The following PLCB2 variants were observed in gnomAD, a reference collection of about 807,000 sequenced individuals.
The protein encoded by PLCB2 is 1-phosphatidylinositol 4,5-bisphosphate phosphodiesterase beta-2.
PLCB2 carries 115 observed loss-of-function variants against 141.7 expected under a neutral mutation model. That is an observed-to-expected ratio of 0.81 (90% CI 0.70 to 0.95). The LOEUF (loss-of-function observed/expected upper bound fraction) is 0.95. Ranked by LOEUF, PLCB2 falls within the 40% of genes least tolerant of loss-of-function variation. The pLI, the probability that PLCB2 is intolerant of heterozygous loss-of-function variation, is 0.00. For synonymous variants in PLCB2, 603 were observed against 595.6 expected (o/e 1.01, Z -0.18); for missense variants, 1,403 against 1,541.1 (o/e 0.91, Z 1.50).
rs998360205 is a variant in PLCB2 at position 40,291,075 on chromosome 15, C to A, written c.2979G>T (p.Arg993=). Residue 993 remains arginine, a synonymous_variant, in exon 27 of 32, where the codon CGG becomes CGT. Transcript: ENST00000260402. ...LKDRLELELL[R]QGEEQYECVL... is the part of the protein sequence containing the mutation. ...CGCACTCGTACTGCTCCTCGCCCTGCCGCAGCAGCTCCAGCTCCAGCCTGT... is the reference window on the plus strand; with the variant it reads ...CGCACTCGTACTGCTCCTCGCCCTGACGCAGCAGCTCCAGCTCCAGCCTGT... 6.3e-7 allele frequency: 1 copy of A among 1,590,846 alleles called. No individual in the cohort carries two copies. The highest frequency in any genetic ancestry group is 8.5e-7 in the Non-Finnish European group (1 of 1,176,308).
intron 7 of PLCB2, chr15:40,300,587 T>C (rs1182213051): frequency 1.3e-5 from 2 of 152,120 alleles, no homozygotes; most frequent in Non-Finnish European, 2.9e-5. Context: ...TAAAAAGGAA[T>C]GAAGTACTCA....
rs567946906 is a variant in PLCB2, at chr15:40,291,420, G to C, written c.2715C>G (p.His905Gln). The change falls in exon 26 of 32, where the codon CAC (histidine) becomes CAG (glutamine). Residue 905 changes from histidine (H) to glutamine (Q), a missense_variant. By Grantham distance (24) the His-to-Gln change is conservative (BLOSUM62 0). This residue lies in a region of PLCB2 where 290 missense variants were observed against 245.9 expected (regional missense o/e 1.18). Coordinates refer to ENST00000260402, the MANE Select transcript of PLCB2 (RefSeq NM_004573.3). ...GCTCCAACTCTCGCAGCTCCTTCTC[G>C]TGCCGCCGCTGCAGCTTCACCACGC... ...LKGVVKLQRRHEKELRELERR... is the reference protein window; with the variant it reads ...LKGVVKLQRRQEKELRELERR... The C allele has an allele frequency of 1.3e-6, 2 of 1,538,642 alleles. No individual in the cohort carries two copies. The highest frequency in any genetic ancestry group is 1.7e-4 in the Middle Eastern group (1 of 5,916).
At position 40,293,582 on chromosome 15, in the gene PLCB2, T is replaced by G; in HGVS notation, c.2204A>C (p.Glu735Ala). 6.2e-7 allele frequency: 1 copy of G among 1,613,898 alleles called. No individual in the cohort carries two copies. Among genetic ancestry groups the G allele is most frequent in the East Asian group, 2.2e-5 (1 of 44,868 alleles). ...STNSINPVWK[E>A]EPFVFEKILM... ...CACCTTCTCAAAGACAAAGGGCTCC[T>G]CCTTCCAGACAGGATTGATGGAGTT... is the stretch of plus-strand genomic sequence containing the variant. The change falls in exon 20 of 32, where the codon GAG (glutamate) becomes GCG (alanine). Residue 735 changes from glutamate (E) to alanine (A), a missense_variant. Glu to Ala is a moderately radical substitution (Grantham distance 107). Transcript: ENST00000260402.
chr15:40,296,401 A>G lies in PLCB2; in HGVS notation c.1600-9T>C, dbSNP rs2141100381. 6.2e-7 allele frequency: 1 copy of G among 1,613,584 alleles called. No individual in the cohort carries two copies. On this transcript the variant is annotated splice_polypyrimidine_tract_variant and intron_variant, in intron 15 of 31. Coordinates refer to ENST00000260402, the MANE Select transcript of PLCB2 (RefSeq NM_004573.3). ...TCCAGGCCCGCTGTGCCCTAAGGAG[A>G]AGAGGGGAGGGCAAAGAAGAGGAGG...
rs572727950 is a variant in PLCB2 at position 40,296,758 on chromosome 15, C to G, written c.1474G>C (p.Gly492Arg). 1.2e-6 allele frequency: 2 copies of G among 1,613,454 alleles called. No homozygotes were observed. Residue 492 changes from glycine (G) to arginine (R), a missense_variant, in exon 14 of 32, where the codon GGT becomes CGT. Physicochemically the swap from Gly to Arg is moderately radical, Grantham distance 125. Coordinates refer to ENST00000260402, the MANE Select transcript of PLCB2 (RefSeq NM_004573.3). ...CTCCCCGACTCACCTGTGCCCTCAC[C>G]TGCAGGGGCACTGGGTGGGCTGCTG... is the stretch of plus-strand genomic sequence containing the variant. Reference protein sequence around the residue: ...EGSSPPSAPAGEGTVWAGEEG... With the variant: ...EGSSPPSAPAREGTVWAGEEG...
chr15:40,284,497 T>G, downstream of PLCB2: 1 of 455,956 alleles, frequency 2.2e-6, no homozygotes, highest in Admixed American at 2.3e-5. Context: ...CTCGGGCCTT[T>G]TAAAGATAGG....
chr15:40,297,000 C>A, intron 13 of PLCB2, 92 bp from the exon 14 acceptor site: 1 of 1,293,548 alleles, frequency 7.7e-7, no homozygotes, highest in Non-Finnish European at 1.1e-6. Flanking sequence ...CGGCCTCCCC[C>A]ACTCCTCTTG....
At position 40,302,349 on chromosome 15, in the gene PLCB2, C is replaced by A. The variant is rs773325801; in HGVS notation, c.373G>T (p.Ala125Ser). The A allele has an allele frequency of 1.2e-6, 2 of 1,613,908 alleles. No homozygotes were observed. The highest frequency in any genetic ancestry group is 3.3e-5 in the Admixed American group (2 of 60,010). The change falls in exon 5 of 32, where the codon GCC (alanine) becomes TCC (serine). Residue 125 changes from alanine (A) to serine (S), a missense_variant and splice_region_variant. Around this residue, in one of 4 missense-constraint regions of PLCB2, gnomAD observed 975 missense variants for 1,141.1 expected, o/e 0.85. Transcript: ENST00000260402. The part of the protein sequence containing the change: ...FVSYKENVGK[A>S]WAEDVLALVK... ...AGGGCCAGTACGTCCTCAGCCCAGG[C>A]CTGCAGGACCACAGAGAGCAGCGGT...
intron 7 of PLCB2, among the ~76,000 whole-genome samples, chr15:40,299,689 C>A (rs1177285927): frequency 6.6e-6 from 1 of 151,954 alleles, no homozygotes; most frequent in African/African-American, 2.4e-5. Flanking sequence ...TTTGGAGACA[C>A]CAAAAGCACC....
Position 40,297,066 on chromosome 15 carries a change from A to G in PLCB2, c.1324-158T>C, listed in dbSNP as rs2040261748. ...ATTCTCACTGAGATAAATCCAGCTT[A>G]TCCCTTGGAGTAAATGCGGCTCATC... On this transcript the variant is annotated intron_variant, in intron 13 of 31. Transcript: ENST00000260402. This position sits in a 1 kb window ranked among gnomAD's most constrained non-coding sequence, Gnocchi z 4.2. Among the ~76,000 whole-genome samples the G allele has an allele frequency of 6.6e-6, 1 of 152,122 alleles. No homozygotes were observed. Among genetic ancestry groups the G allele is most frequent in the Non-Finnish European group, 1.5e-5 (1 of 68,026 alleles).
chr15:40,289,309 G>A lies in PLCB2; in HGVS notation c.3317C>T (p.Ala1106Val), dbSNP rs543995403. The A allele has an allele frequency of 9.3e-6, 15 of 1,613,948 alleles. No homozygotes were observed. The highest frequency in any genetic ancestry group is 6.7e-5 in the East Asian group (3 of 44,876). ...CTCCCGTATCTGTTCCAGGCAAGCC[G>A]CCTGCTTCTCCTCCAGCTTCTCCTG... ...RHQEKLEEKQ[A>V]ACLEQIREME... Residue 1106 changes from alanine to valine, a missense_variant, in exon 31 of 32, where the codon GCG (alanine) becomes GTG (valine). Around this residue, in one of 4 missense-constraint regions of PLCB2, gnomAD observed 132 missense variants for 132.4 expected, o/e 1.00. Coordinates refer to ENST00000260402, the MANE Select transcript of PLCB2 (RefSeq NM_004573.3).
intron 7 of PLCB2, chr15:40,301,377 C>T: frequency 1.7e-6 from 1 of 600,120 alleles, no homozygotes; most frequent in South Asian, 2.0e-5. Flanking sequence ...CCAGAGGGCT[C>T]CTTTTTGTAA....
intron 1 of PLCB2, among the ~76,000 whole-genome samples, chr15:40,305,614 T>C (rs1479448406): frequency 6.6e-6 from 1 of 152,158 alleles, no homozygotes; most frequent in Admixed American, 6.5e-5. Context: ...GCTGAAGACA[T>C]AGTTGTGAGT....
chr15:40,293,395 C>T (rs1370574804), intron 20 of PLCB2, among the ~76,000 whole-genome samples, 165 bp downstream of exon 20: 1 of 152,210 alleles, frequency 6.6e-6, no homozygotes, highest in African/African-American at 2.4e-5. Flanking sequence ...ACCAAGTAAA[C>T]TTCTGTAAAC....
At position 40,302,544 on chromosome 15, in the gene PLCB2, G is replaced by A; in HGVS notation, c.297C>T (p.Leu99=). The change falls in exon 4 of 32, where the codon CTC becomes CTT. Residue 99 remains leucine (L), a synonymous_variant. Coordinates refer to ENST00000260402, the MANE Select transcript of PLCB2 (RefSeq NM_004573.3). ...CCATGTCCGGGCCGGACACCACCGT[G>A]AGTGTCTTCAGCAGGAAACTGTTAT... ...FPDNSFLLKT[L]TVVSGPDMVD... The A allele has an allele frequency of 6.2e-7, 1 of 1,614,188 alleles. No individual in the cohort carries two copies. Among genetic ancestry groups the A allele is most frequent in the Non-Finnish European group, 8.5e-7 (1 of 1,180,004 alleles).
chr15:40,293,434 G>A, intron 20 of PLCB2, 126 bp downstream of exon 20: 1 of 929,656 alleles, frequency 1.1e-6, no homozygotes, highest in Non-Finnish European at 1.7e-6. Flanking sequence ...AAACAGGAGG[G>A]CCCAGGGTGA....
At chr15:40,294,181 T>C (rs1225312516) in intron 19 of PLCB2, 85 bp downstream of exon 19, 14 of 1,327,010 alleles carry the variant, frequency 1.1e-5, no homozygotes, top group African/African-American at 1.4e-5. Context: ...GGGGAGGGGG[T>C]TGCGAGTTGA....
chr15:40,306,598 T>A (rs1280076476), intron 1 of PLCB2, among the ~76,000 whole-genome samples: 1 of 152,026 alleles, frequency 6.6e-6, no homozygotes, highest in Admixed American at 6.5e-5. Context: ...GCAGGAAGCA[T>A]CTCACCACAG....
intron 11 of PLCB2, 81 bp from the exon 12 acceptor site, chr15:40,298,040 A>G (rs2040320406): frequency 4.1e-6 from 5 of 1,226,080 alleles, no homozygotes; most frequent in East Asian, 4.7e-5. Context: ...CCCCCTGCCT[A>G]GTTTCAATAC....
Sources: gnomAD v4.1 joint callset for allele counts (sites outside exome capture counted in the v4.1 genomes callset) on GRCh38, gnomAD v4.1.1 for gene constraint, gnomAD v4.1.1 regional missense constraint, Gnocchi (gnomAD v3.1) non-coding constraint, MANE v1.5 for transcripts, NCBI Gene and HGNC (gene_info 2026-07-23, HGNC 2026-07-21) for gene names.